ZBBX: variants seen among roughly 807,000 people sequenced by gnomAD.
ZBBX encodes zinc finger B-box domain containing.
A neutral mutation model predicts 108.5 loss-of-function variants in ZBBX; 101 were observed. The observed-to-expected ratio is 0.93, with a 90% CI of 0.79 to 1.10. ZBBX has a LOEUF of 1.10. Ranked by LOEUF, ZBBX falls within the 50% of genes least tolerant of loss-of-function variation. The pLI is 0.00. For synonymous variants in ZBBX, 356 were observed against 323.4 expected (o/e 1.10, Z -1.08); for missense variants, 1,009 against 941.4 (o/e 1.07, Z -0.94).
chr3:167,317,702 A>G, intron 12 of ZBBX, 105 bp from the exon 13 acceptor site: 1 of 664,714 alleles, frequency 1.5e-6, no homozygotes. Context: ...TACAAAATTA[A>G]TGATGAAACC....
chr3:167,340,823 C>A (rs1463068783), intron 9 of ZBBX, among the ~76,000 whole-genome samples: 1 of 151,588 alleles, frequency 6.6e-6, no homozygotes, highest in Admixed American at 6.6e-5. Flanking sequence ...GGAAAAGCCC[C>A]CATCTAAATA....
chr3:167,312,077 C>T (rs547385119), intron 16 of ZBBX, among the ~76,000 whole-genome samples: 1 of 152,222 alleles, frequency 6.6e-6, no homozygotes, highest in South Asian at 2.1e-4. Flanking sequence ...ATTGTACATT[C>T]ATACAATTGA....
At chr3:167,222,991 A>T in the ZBBX span, among the ~76,000 whole-genome samples, 3 of 152,000 alleles carry the variant, frequency 2.0e-5, no homozygotes, top group East Asian at 5.8e-4. Flanking sequence ...TGGACACCCA[A>T]ATACACTGAT....
At chr3:167,371,121 T>C (rs1242469397) in intron 4 of ZBBX, among the ~76,000 whole-genome samples, 1 of 152,154 alleles carries the variant, frequency 6.6e-6, no homozygotes, top group African/African-American at 2.4e-5. Flanking sequence ...GGTATTCCTG[T>C]CCTGGTTTTT....
intron 4 of ZBBX, among the ~76,000 whole-genome samples, chr3:167,372,481 C>T (rs1391563393): frequency 6.6e-6 from 1 of 152,110 alleles, no homozygotes; most frequent in Non-Finnish European, 1.5e-5. Flanking sequence ...GTATGTAGTG[C>T]TTTCTATTTC....
At chr3:167,316,487 G>A (rs979984858) in intron 14 of ZBBX, among the ~76,000 whole-genome samples, 3 of 151,970 alleles carry the variant, frequency 2.0e-5, no homozygotes, top group African/African-American at 7.2e-5. Context: ...CTCTGACAGG[G>A]TCTGGCTCTA....
intron 20 of ZBBX, among the ~76,000 whole-genome samples, chr3:167,281,469 C>T (rs145171042): frequency 5.8e-4 from 88 of 152,202 alleles, no homozygotes; most frequent in African/African-American, 1.8e-3. Context: ...GGAAAAACAA[C>T]GGAAAAGCAA....
chr3:167,407,059 G>A (rs2108646584), intron 1 of ZBBX, among the ~76,000 whole-genome samples: 1 of 152,234 alleles, frequency 6.6e-6, no homozygotes, highest in East Asian at 1.9e-4. Flanking sequence ...TTTTCAAGTG[G>A]TCACAGAGTT....
Position 167,350,477 on chromosome 3 carries a change from G to C in ZBBX, c.471C>G (p.Cys157Trp), listed in dbSNP as rs1742435419. Residue 157 changes from cysteine to tryptophan, a missense_variant, in exon 9 of 22, where the codon TGC (cysteine) becomes TGG (tryptophan). Coordinates refer to ENST00000675490, the MANE Select transcript of ZBBX (RefSeq NM_001199201.2). ...CCCCTTTCTGGTGAACTTTAGCAAAGCATCCTGAACAATAATCTTCTCCAC... is the reference window on the plus strand; with the variant it reads ...CCCCTTTCTGGTGAACTTTAGCAAACCATCCTGAACAATAATCTTCTCCAC... ...LECGEDYCSG[C>W]FAKVHQKGAL... is the part of the protein sequence containing the mutation. The C allele has an allele frequency of 5.0e-6, 8 of 1,595,902 alleles. No individual in the cohort carries two copies. The highest frequency in any genetic ancestry group is 6.8e-6 in the Non-Finnish European group (8 of 1,168,816).
rs1430053481 is a variant in ZBBX at position 167,282,381 on chromosome 3, G to T, written c.2111C>A (p.Ser704Ter). The T allele has an allele frequency of 6.2e-7, 1 of 1,613,986 alleles. No homozygotes were observed. The highest frequency in any genetic ancestry group is 1.3e-5 in the African/African-American group (1 of 74,914). ...AATTTCAGAAGCAGCTCTAGATGAT[G>T]ATTGAGCAGCTGCACTTCTTGATCG... ...HPRSRSAAAQ[S>*]SSRAASEISE... Residue 704 changes from serine (S) to a stop codon, truncating the protein, a stop_gained, in exon 20 of 22, where the codon TCA becomes TAA. Coordinates refer to ENST00000675490, the MANE Select transcript of ZBBX (RefSeq NM_001199201.2). LOFTEE classifies it high-confidence loss of function.
chr3:167,345,778 C>A lies in ZBBX; in HGVS notation c.528+4642G>T, dbSNP rs565065914. ...CCAAGACAATCCTAAGCAAAAAGAA[C>A]AAAGCTGGAGGCATCACGCTACCTG... On this transcript the variant is annotated intron_variant, in intron 9 of 21. Coordinates refer to ENST00000675490, the MANE Select transcript of ZBBX (RefSeq NM_001199201.2). 2.0e-5 allele frequency among the ~76,000 whole-genome samples: 3 copies of A among 151,918 alleles called. No homozygotes were observed. In the South Asian group the frequency reaches 6.2e-4, roughly 32 times the overall value.
At chr3:167,227,259 C>A in the ZBBX span, among the ~76,000 whole-genome samples, 1 of 151,756 alleles carries the variant, frequency 6.6e-6, no homozygotes, top group Non-Finnish European at 1.5e-5. Flanking sequence ...AATCCAAGTC[C>A]TAGACTATTA....
Position 167,323,958 on chromosome 3 carries a change from A to T in ZBBX, c.863-1721T>A, listed in dbSNP as rs888893335. ...AGAATACTAAAACAAAACCAAGTTA[A>T]AAATCAATAACAGAAATAACTAGAA... On this transcript the variant is annotated intron_variant, in intron 11 of 21. Coordinates refer to ENST00000675490, the MANE Select transcript of ZBBX (RefSeq NM_001199201.2). 3.9e-5 allele frequency among the ~76,000 whole-genome samples: 6 copies of T among 152,276 alleles called. No homozygotes were observed. In the East Asian group the frequency reaches 9.6e-4, roughly 24 times the overall value.
rs184969386 is a variant in ZBBX, at chr3:167,301,544, G to A, written c.1726-3086C>T. Among the ~76,000 whole-genome samples the A allele has an allele frequency of 3.0e-4, 45 of 152,210 alleles. 1 individual carries two copies. The East Asian group carries it at 6.9e-3, about 23-fold the overall frequency. ...ATTTTTACTTTTTTCTTGCATTTGG[G>A]ATTATAAATTTCCCAGTAAGTAGTA... On this transcript the variant is annotated intron_variant, in intron 17 of 21. Coordinates refer to ENST00000675490, the MANE Select transcript of ZBBX (RefSeq NM_001199201.2).
chr3:167,402,978 T>C (rs2108644307), intron 1 of ZBBX, among the ~76,000 whole-genome samples: 1 of 152,212 alleles, frequency 6.6e-6, no homozygotes, highest in Non-Finnish European at 1.5e-5. Flanking sequence ...TACCTGTAAT[T>C]GGAAGAACAG....
chr3:167,330,467 A>G (rs1442743766), intron 10 of ZBBX, among the ~76,000 whole-genome samples: 1 of 152,150 alleles, frequency 6.6e-6, no homozygotes. Flanking sequence ...ATCACCGTGC[A>G]CAAATTCATA....
chr3:167,223,453 G>A, the ZBBX span, among the ~76,000 whole-genome samples: 1 of 151,950 alleles, frequency 6.6e-6, no homozygotes, highest in Non-Finnish European at 1.5e-5. Context: ...CATCCTGGGA[G>A]GGATTTTGTG....
intron 20 of ZBBX, among the ~76,000 whole-genome samples, chr3:167,260,706 C>A (rs13067308): frequency 1.9e-4 from 29 of 152,250 alleles, no homozygotes; most frequent in East Asian, 1.9e-4. Context: ...AGCTATCTAC[C>A]TCCTTGAATA....
chr3:167,250,386 G>A (rs552251748), intron 20 of ZBBX, among the ~76,000 whole-genome samples: 2 of 152,238 alleles, frequency 1.3e-5, no homozygotes, highest in African/African-American at 2.4e-5. Flanking sequence ...CCCATAAAAC[G>A]TTTAATTTCT....
Sources: gnomAD v4.1 joint callset for allele counts (sites outside exome capture counted in the v4.1 genomes callset) on GRCh38, gnomAD v4.1.1 for gene constraint, MANE v1.5 for transcripts, NCBI Gene and HGNC (gene_info 2026-07-23, HGNC 2026-07-21) for gene names.